CENPE: variants seen among roughly 807,000 people sequenced by gnomAD.
The protein encoded by CENPE is centromere protein E.
Under a neutral mutation model 336.1 loss-of-function variants are expected in CENPE, and 145 were observed. That is an observed-to-expected ratio of 0.43 (90% CI 0.38 to 0.50). The LOEUF is 0.50. Ranked by LOEUF, CENPE falls within the 20% of genes least tolerant of loss-of-function variation. The pLI, the probability that CENPE is intolerant of heterozygous loss-of-function variation, is 0.00. For synonymous variants in CENPE, 1,013 were observed against 984.8 expected (o/e 1.03, Z -0.54); for missense variants, 2,719 against 3,023.3 (o/e 0.90, Z 2.36).
At chr4:103,172,150 CA>C (rs1274178537) in intron 16 of CENPE, among the ~76,000 whole-genome samples, 4 of 151,482 alleles carry the variant, frequency 2.6e-5, no homozygotes, top group African/African-American at 9.7e-5. Flanking sequence ...CAAAAATAGA[CA>C]AAAAAGGAAA....
chr4:103,107,640 C>A (rs560755713), intron 48 of CENPE, among the ~76,000 whole-genome samples: 1 of 152,142 alleles, frequency 6.6e-6, no homozygotes, highest in Non-Finnish European at 1.5e-5. Flanking sequence ...CTGTGGACAA[C>A]CTCCATGCAG....
intron 46 of CENPE, among the ~76,000 whole-genome samples, chr4:103,111,975 TGTGTGC>T (rs1436399724): frequency 6.6e-6 from 1 of 151,978 alleles, no homozygotes; most frequent in Non-Finnish European, 1.5e-5. Flanking sequence ...TATGTACGTG[TGTGTGC>T]GTGTGCATGT....
intron 16 of CENPE, among the ~76,000 whole-genome samples, chr4:103,173,910 T>C (rs914757021): frequency 2.1e-4 from 32 of 151,914 alleles, no homozygotes; most frequent in African/African-American, 7.5e-4. Context: ...CCTTTTATAC[T>C]GTTGGTAGGA....
intron 40 of CENPE, 134 bp from the exon 41 acceptor site, chr4:103,134,026 A>T: frequency 1.5e-6 from 1 of 663,272 alleles, no homozygotes; most frequent in Non-Finnish European, 2.6e-6. Flanking sequence ...GGAAAAGGGA[A>T]AGAGCTTCTC....
chr4:103,187,225 G>C (rs1756856046), intron 8 of CENPE, among the ~76,000 whole-genome samples: 1 of 152,064 alleles, frequency 6.6e-6, no homozygotes, highest in African/African-American at 2.4e-5. Context: ...CGTAGATTTG[G>C]TCTTTTCACA....
At chr4:103,197,096 G>A (rs1363002627) in intron 1 of CENPE, among the ~76,000 whole-genome samples, 2 of 152,152 alleles carry the variant, frequency 1.3e-5, no homozygotes, top group Non-Finnish European at 2.9e-5. Flanking sequence ...ACAAAGGGAT[G>A]GATTCAAAAT....
intron 24 of CENPE, 145 bp from the exon 25 acceptor site, chr4:103,153,395 G>A (rs938407166): frequency 1.6e-6 from 1 of 614,936 alleles, no homozygotes; most frequent in Non-Finnish European, 2.8e-6. Context: ...ACTTTATGAG[G>A]TAGGTATTAC....
chr4:103,161,309 T>C (rs1321512764), intron 19 of CENPE, 26 bp downstream of exon 19: 1 of 1,603,290 alleles, frequency 6.2e-7, no homozygotes, highest in Non-Finnish European at 8.5e-7. Context: ...AACTACTTTA[T>C]TATAAATATT....
intron 12 of CENPE, among the ~76,000 whole-genome samples, chr4:103,181,000 G>A (rs1292918560): frequency 5.3e-5 from 8 of 152,068 alleles, no homozygotes; most frequent in Non-Finnish European, 7.4e-5. Flanking sequence ...CACAGAAGGT[G>A]GTTCTAAGTA....
At position 103,151,233 on chromosome 4, in the gene CENPE, TTTC is replaced by T; in HGVS notation, c.3379_3381del (p.Glu1127del). 1 of 1,593,150 alleles carries T rather than the reference TTTC, an allele frequency of 6.3e-7. No individual in the cohort carries two copies. The highest frequency in any genetic ancestry group is 8.5e-7 in the Non-Finnish European group (1 of 1,175,282). ...TAAAAATTCACCTTTTCCTTTAGTTTTTCTTCAACTTCTGCCAGTCTGTCACAG... is the reference window on the plus strand; with the variant it reads ...TAAAAATTCACCTTTTCCTTTAGTTTTTCAACTTCTGCCAGTCTGTCACAG... On this transcript the variant is annotated inframe_deletion, in exon 26 of 49. Coordinates refer to ENST00000265148, the MANE Select transcript of CENPE (RefSeq NM_001813.3).
At chr4:103,136,709 G>T (rs542860674) in intron 39 of CENPE, among the ~76,000 whole-genome samples, 4 of 152,192 alleles carry the variant, frequency 2.6e-5, no homozygotes, top group Non-Finnish European at 4.4e-5. Context: ...AATTAAGTAT[G>T]TATTGTAGTT....
In CENPE at chr4:103,114,547, C is replaced by T. The variant is rs567534021; in HGVS notation, c.7448G>A (p.Ser2483Asn). ...ATATTCTACAGTGGCTTTTGTAGCA[C>T]TGATTCTAACAAAAACAATAAAAAT... ...KNAKEFEKEISATKATVEYQK... is the reference protein window; with the variant it reads ...KNAKEFEKEINATKATVEYQK... The change falls in exon 46 of 49, where the codon AGT becomes AAT. Residue 2483 changes from serine to asparagine, a missense_variant. By Grantham distance (46) the Ser-to-Asn change is conservative (BLOSUM62 1). Around this residue, in one of 5 missense-constraint regions of CENPE, gnomAD observed 2,437 missense variants for 2,513.3 expected, o/e 0.97. Coordinates refer to ENST00000265148, the MANE Select transcript of CENPE (RefSeq NM_001813.3). 2.3e-5 allele frequency: 36 copies of T among 1,586,284 alleles called. No individual in the cohort carries two copies. The South Asian group carries it at 3.1e-4, about 14-fold the overall frequency.
At chr4:103,106,607 C>T (rs1748924933) in intron 48 of CENPE, among the ~76,000 whole-genome samples, 1 of 152,070 alleles carries the variant, frequency 6.6e-6, no homozygotes. Flanking sequence ...CAAACACGGG[C>T]TGATTGAGTT....
At chr4:103,162,387 C>T (rs559395600) in intron 18 of CENPE, among the ~76,000 whole-genome samples, 11 of 151,946 alleles carry the variant, frequency 7.2e-5, no homozygotes, top group Admixed American at 2.6e-4. Flanking sequence ...CAAACTGAAG[C>T]GATTAAATGA....
intron 2 of CENPE, 101 bp downstream of exon 2, chr4:103,196,658 A>T: frequency 1.5e-6 from 1 of 647,104 alleles, no homozygotes; most frequent in Middle Eastern, 4.3e-4. Context: ...TAGAAGGCTT[A>T]GTCTAATCTT....
intron 46 of CENPE, among the ~76,000 whole-genome samples, chr4:103,112,589 T>C (rs1749575540): frequency 7.4e-6 from 1 of 135,450 alleles, no homozygotes; most frequent in African/African-American, 2.9e-5. Context: ...AATGTATACA[T>C]ACTTATAAGT....
At chr4:103,146,162 G>C in intron 29 of CENPE, 55 bp from the exon 30 acceptor site, 1 of 1,506,836 alleles carries the variant, frequency 6.6e-7, no homozygotes, top group East Asian at 2.3e-5. Flanking sequence ...GTGTTTTAGG[G>C]GAAAATAAAT....
At chr4:103,154,140 G>GGTATTTAAAA (rs544906412) in intron 24 of CENPE, among the ~76,000 whole-genome samples, 247 of 151,900 alleles carry the variant, frequency 1.6e-3, no homozygotes, top group Non-Finnish European at 2.9e-3. Context: ...TGCCTACACA[G>GGTATTTAAAA]GTATTTAAAA....
rs1446808074 is a variant in CENPE, at chr4:103,138,441, C to T, written c.6213G>A (p.Gln2071=). 1 of 1,612,310 alleles carries T rather than the reference C, an allele frequency of 6.2e-7. No homozygotes were observed. Among genetic ancestry groups the T allele is most frequent in the South Asian group, 1.1e-5 (1 of 91,030 alleles). The change falls in exon 39 of 49, where the codon CAG becomes CAA. Residue 2071 remains glutamine (Q), a synonymous_variant. Coordinates refer to ENST00000265148, the MANE Select transcript of CENPE (RefSeq NM_001813.3). Reference sequence around the variant, plus strand: ...TTTTTTCAGGTTTTACTTGGTGGTTCTGTCGGTCCTGCTTTGGTAAAAAGA... The same window carrying T: ...TTTTTTCAGGTTTTACTTGGTGGTTTTGTCGGTCCTGCTTTGGTAAAAAGA... ...TLREMIARDR[Q]NHQVKPEKRL...
Sources: allele counts gnomAD v4.1 joint callset (sites outside exome capture counted in the v4.1 genomes callset), GRCh38; gene constraint gnomAD v4.1.1; regional missense constraint gnomAD v4.1.1; transcripts MANE v1.5; gene names NCBI Gene and HGNC (gene_info 2026-07-23, HGNC 2026-07-21).